Variants in NUDT6 observed in about 807,000 individuals in gnomAD.
NUDT6 encodes the protein FAD diphosphatase NUDT6.
NUDT6 carries 24 observed loss-of-function variants against 36.8 expected under a neutral mutation model. That is an observed-to-expected ratio of 0.65 (90% CI 0.47 to 0.92). The LOEUF is 0.92. Ranked by LOEUF, NUDT6 falls within the 40% of genes least tolerant of loss-of-function variation. The probability of loss-of-function intolerance (pLI) is 0.00; values close to 1 mark genes in which losing one functional copy is unlikely to be tolerated. For synonymous variants in NUDT6, 163 were observed against 157.0 expected (o/e 1.04, Z -0.29); for missense variants, 388 against 392.8 (o/e 0.99, Z 0.10).
chr4:122,906,604 T>G (rs143660024), intron 3 of NUDT6, among the ~76,000 whole-genome samples: 1 of 152,196 alleles, frequency 6.6e-6, no homozygotes, highest in Admixed American at 6.5e-5. Context: ...GATGCCCCTA[T>G]TAAGTGTTTA....
rs1178421678 is a variant in NUDT6, at chr4:122,892,691, C to T, written c.*137G>A. 2.2e-6 allele frequency: 3 copies of T among 1,357,608 alleles called. No individual in the cohort carries two copies. Among genetic ancestry groups the T allele is most frequent in the Non-Finnish European group, 2.9e-6 (3 of 1,025,212 alleles). 84.1% of individuals were successfully genotyped at this position (1,357,608 alleles called of 1,614,324 possible). A position where few individuals can be genotyped will look rare whatever the true frequency, so the allele number is the denominator to read the frequency against. On this transcript the variant is annotated 3_prime_UTR_variant, in exon 5 of 5. Coordinates refer to ENST00000304430, the MANE Select transcript of NUDT6 (RefSeq NM_007083.5). The stretch of plus-strand genomic sequence containing the variant: ...TTCGAAAAGAGGCTTTTAAAATGTG[C>T]ATGTTTAGAAACAAAATTTCTTCAT...
chr4:122,922,741 C>T, upstream of NUDT6: 1 of 623,784 alleles, frequency 1.6e-6, no homozygotes, highest in South Asian at 2.1e-5. Context: ...ACCAGCCCTT[C>T]TCAGCAATTT....
chr4:122,915,469 C>CAAAAAAAA lies in NUDT6; in HGVS notation c.442+2024_442+2031dup, dbSNP rs61032259. On this transcript the variant is annotated intron_variant, in intron 2 of 4. Transcript: ENST00000304430. ...TGGGTGACAAAGTGAGACCCTGCCTCAAAAAAAAAAAAAAAAAAAAAAAAA... is the reference window on the plus strand; with the variant it reads ...TGGGTGACAAAGTGAGACCCTGCCTCAAAAAAAAAAAAAAAAAAAAAAAAAAAAAAAAA... 7.6e-4 allele frequency among the ~76,000 whole-genome samples: 32 copies of CAAAAAAAA among 42,262 alleles called. 1 individual carries two copies. The highest frequency in any genetic ancestry group is 1.9e-3 in the Admixed American group (6 of 3,090). 27.7% of individuals were successfully genotyped at this position (42,262 alleles called of 152,430 possible).
intron 1 of NUDT6, chr4:122,922,082 A>G (rs1728043779): frequency 2.5e-6 from 1 of 403,142 alleles, no homozygotes; most frequent in South Asian, 9.8e-5. Context: ...CGCACAGTAG[A>G]AAGTGGACCA....
At chr4:122,920,524 C>G (rs944398732) in intron 1 of NUDT6, 1 of 152,206 alleles carries the variant, frequency 6.6e-6, no homozygotes, top group Admixed American at 6.5e-5. Flanking sequence ...GTAATTAGAG[C>G]TGGCGTTATT....
chr4:122,894,181 TATA>T (rs1404788364), intron 4 of NUDT6: 1 of 152,126 alleles, frequency 6.6e-6, no homozygotes, highest in African/African-American at 2.4e-5. Context: ...ATAGAAAGAG[TATA>T]ATGTTTTAAA....
rs965949702 is a variant in NUDT6 at position 122,922,590 on chromosome 4, C to T, written c.-18G>A. On this transcript the variant is annotated 5_prime_UTR_variant, in exon 1 of 5. Transcript: ENST00000304430. ...TGCCGCATCTCCACGCCGCTTAATT[C>T]GTCCGTTGCCCAAATGACCCCTCCG... 4.4e-6 allele frequency: 7 copies of T among 1,580,556 alleles called. No homozygotes were observed. The highest frequency in any genetic ancestry group is 6.0e-6 in the Non-Finnish European group (7 of 1,167,954).
At chr4:122,900,480 A>C (rs977004118) in intron 3 of NUDT6, among the ~76,000 whole-genome samples, 1 of 151,806 alleles carries the variant, frequency 6.6e-6, no homozygotes. Context: ...TATAAGAATT[A>C]TGCACATTTA....
chr4:122,922,453 TG>T lies in NUDT6; in HGVS notation c.119del (p.Pro40GlnfsTer86). Reference sequence around the variant, plus strand: ...CGCCCTGCAGATCGCACGCTCCAACTGGCGGATTCCGCACGTAACCCTGTGC... The same window carrying T: ...CGCCCTGCAGATCGCACGCTCCAACTGCGGATTCCGCACGTAACCCTGTGC... ...SGAQGYVRNP[P>X]VGACDLQGEL... On this transcript the variant is annotated frameshift_variant, in exon 1 of 5. Coordinates refer to ENST00000304430, the MANE Select transcript of NUDT6 (RefSeq NM_007083.5). LOFTEE classifies it high-confidence loss of function. 1 of 1,611,690 alleles carries T rather than the reference TG, an allele frequency of 6.2e-7. No individual in the cohort carries two copies. The highest frequency in any genetic ancestry group is 8.5e-7 in the Non-Finnish European group (1 of 1,179,810).
chr4:122,912,448 G>C, intron 3 of NUDT6, 120 bp downstream of exon 3: 1 of 727,534 alleles, frequency 1.4e-6, no homozygotes, highest in Non-Finnish European at 2.3e-6. Flanking sequence ...TAACTGCTTA[G>C]AAATGATTTT....
chr4:122,912,484 G>T, intron 3 of NUDT6, 84 bp downstream of exon 3: 2 of 904,624 alleles, frequency 2.2e-6, no homozygotes, highest in Non-Finnish European at 3.6e-6. Context: ...TAACCCCTTA[G>T]GCATATTAAA....
chr4:122,904,250 T>C (rs1031472885), intron 3 of NUDT6, among the ~76,000 whole-genome samples: 2 of 152,156 alleles, frequency 1.3e-5, no homozygotes, highest in Non-Finnish European at 2.9e-5. Flanking sequence ...CTGCATGTTT[T>C]CACTAGAAGT....
In NUDT6 at chr4:122,897,338, G is replaced by A. The variant is rs530807859; in HGVS notation, c.553+286C>T. 6.4e-4 allele frequency: 233 copies of A among 364,822 alleles called. 3 individuals carry two copies. In the South Asian group the frequency reaches 9.0e-3, roughly 14 times the overall value. The allele number at this position is 364,822 out of a possible 1,614,324, so 22.6% of individuals were successfully genotyped here. On this transcript the variant is annotated intron_variant, in intron 4 of 4. Transcript: ENST00000304430. The stretch of plus-strand genomic sequence containing the variant: ...ACCTTTAATGCTAAACTTTACTGAT[G>A]TATATCCAAAGCTTCTCATTTTCAG...
intron 4 of NUDT6, chr4:122,897,365 C>A (rs1177802066): frequency 2.1e-5 from 9 of 430,770 alleles, no homozygotes; most frequent in Admixed American, 1.6e-4. Flanking sequence ...CATTTTCAGA[C>A]AGATTAATCC....
chr4:122,919,291 A>C (rs1727917714), intron 1 of NUDT6: 1 of 152,290 alleles, frequency 6.6e-6, no homozygotes, highest in African/African-American at 2.4e-5. Flanking sequence ...ATCTCGGCTC[A>C]CTGCAACCTC....
At chr4:122,910,922 T>C (rs1024156060) in intron 3 of NUDT6, among the ~76,000 whole-genome samples, 4 of 152,158 alleles carry the variant, frequency 2.6e-5, no homozygotes, top group Admixed American at 1.3e-4. Context: ...ATCTACTTCT[T>C]CTTTAAATGA....
chr4:122,910,285 A>T (rs948697296), intron 3 of NUDT6, among the ~76,000 whole-genome samples: 1 of 76,630 alleles, frequency 1.3e-5, no homozygotes, highest in South Asian at 4.1e-4. Flanking sequence ...TTTTATAAAG[A>T]AACAAAAAAA....
At chr4:122,898,299 G>A (rs41480549) in intron 3 of NUDT6, 25,811 of 151,660 alleles carry the variant, frequency 0.17, 2,575 homozygotes, top group East Asian at 0.45. Context: ...AGGGGCAGGT[G>A]GAAAGATCTG....
intron 1 of NUDT6, chr4:122,918,015 A>T (rs1481731388): frequency 3.4e-6 from 1 of 290,346 alleles, no homozygotes; most frequent in African/African-American, 2.2e-5. Flanking sequence ...AAATAAAAGG[A>T]TTTAAACCGA....
Sources: gnomAD v4.1 joint callset for allele counts (sites outside exome capture counted in the v4.1 genomes callset) on GRCh38, gnomAD v4.1.1 for gene constraint, MANE v1.5 for transcripts, NCBI Gene and HGNC (gene_info 2026-07-23, HGNC 2026-07-21) for gene names.